GPC5: variants seen among roughly 807,000 people sequenced by gnomAD.
GPC5 encodes glypican-5.
GPC5 carries 47 observed loss-of-function variants against 53.9 expected under a neutral mutation model. The ratio of observed to expected loss-of-function variants is 0.87; its 90% CI spans 0.69 to 1.11. The LOEUF is 1.11. Among genes scored for constraint, GPC5 ranks in the 50% most tolerant of loss-of-function variants. The pLI is 0.00. For missense variants in GPC5, 748 were observed against 713.1 expected (o/e 1.05, Z -0.56); for synonymous variants, 286 against 263.3 (o/e 1.09, Z -0.84).
At chr13:92,110,614 T>G (rs1259840370) in intron 6 of GPC5, among the ~76,000 whole-genome samples, 1 of 152,196 alleles carries the variant, frequency 6.6e-6, no homozygotes, top group Non-Finnish European at 1.5e-5. Context: ...GTTTGTAATT[T>G]AAATGACAAG....
At chr13:92,061,921 A>G (rs1351402353) in intron 6 of GPC5, among the ~76,000 whole-genome samples, 1 of 152,042 alleles carries the variant, frequency 6.6e-6, no homozygotes, top group African/African-American at 2.4e-5. Flanking sequence ...ACTGTAGGCT[A>G]TAAGATCTTT....
chr13:92,606,894 A>C (rs1203057537), intron 7 of GPC5, among the ~76,000 whole-genome samples: 2 of 152,186 alleles, frequency 1.3e-5, no homozygotes, highest in African/African-American at 2.4e-5. Flanking sequence ...ATACTTTATA[A>C]GCAATTACTC....
rs139117967 is a variant in GPC5, at chr13:92,528,807, C to A, written c.1562-337475C>A. On this transcript the variant is annotated intron_variant, in intron 7 of 7. Coordinates refer to ENST00000377067, the MANE Select transcript of GPC5 (RefSeq NM_004466.6). ...CTTTAAATATGTCATTAAAATAATT[C>A]TTTCTTAATAGGGTACCCATATTTT... Among the ~76,000 whole-genome samples, 1,405 of 151,750 alleles carry A rather than the reference C, an allele frequency of 9.3e-3. 25 individuals are homozygous for A. Among genetic ancestry groups the A allele is most frequent in the African/African-American group, 0.032 (1,309 of 41,462 alleles).
intron 5 of GPC5, among the ~76,000 whole-genome samples, chr13:91,865,460 A>C (rs1250698253): frequency 3.9e-5 from 6 of 152,274 alleles, no homozygotes; most frequent in Admixed American, 2.6e-4. Context: ...TTTGATATAA[A>C]ATTCTGTAGC....
intron 5 of GPC5, among the ~76,000 whole-genome samples, chr13:91,848,623 G>A (rs1358100392): frequency 6.6e-6 from 1 of 152,176 alleles, no homozygotes; most frequent in African/African-American, 2.4e-5. Flanking sequence ...ATGTTCTAAA[G>A]TGATTCTGCT....
At chr13:91,508,609 C>T (rs766930863) in intron 2 of GPC5, among the ~76,000 whole-genome samples, 12 of 152,230 alleles carry the variant, frequency 7.9e-5, no homozygotes, top group South Asian at 2.1e-4. Flanking sequence ...CTCTGTGTCA[C>T]GCCCAGGAGA....
At chr13:91,744,401 T>C (rs1190032721) in intron 4 of GPC5, among the ~76,000 whole-genome samples, 1 of 152,190 alleles carries the variant, frequency 6.6e-6, no homozygotes, top group African/African-American at 2.4e-5. Flanking sequence ...TAGCTTATTT[T>C]ATCTGAGCAT....
chr13:92,078,424 C>T (rs574431612), intron 6 of GPC5, among the ~76,000 whole-genome samples: 1 of 152,288 alleles, frequency 6.6e-6, no homozygotes, highest in South Asian at 2.1e-4. Flanking sequence ...AAGTGATAGG[C>T]CTGACCTCCT....
At chr13:91,990,954 C>G (rs1017199894) in intron 6 of GPC5, among the ~76,000 whole-genome samples, 2 of 152,014 alleles carry the variant, frequency 1.3e-5, no homozygotes, top group African/African-American at 4.8e-5. Context: ...TTGTGTTTAC[C>G]GAAATTATGG....
intron 5 of GPC5, among the ~76,000 whole-genome samples, chr13:91,804,325 A>G (rs1006469318): frequency 2.0e-5 from 3 of 152,034 alleles, no homozygotes; most frequent in African/African-American, 7.2e-5. Flanking sequence ...AGAAATATGC[A>G]GTAGTATAGC....
intron 7 of GPC5, among the ~76,000 whole-genome samples, chr13:92,377,700 G>T (rs1024539155): frequency 1.3e-5 from 2 of 151,996 alleles, no homozygotes; most frequent in African/African-American, 2.4e-5. Context: ...CTTAATAATA[G>T]ATTATGTATT....
intron 5 of GPC5, among the ~76,000 whole-genome samples, chr13:91,775,434 C>T (rs919329482): frequency 8.5e-5 from 13 of 152,194 alleles, no homozygotes; most frequent in Admixed American, 3.3e-4. Context: ...CAAACTAATT[C>T]CCCACGTAGA....
At chr13:92,460,273 T>C (rs1878426651) in intron 7 of GPC5, among the ~76,000 whole-genome samples, 1 of 152,178 alleles carries the variant, frequency 6.6e-6, no homozygotes, top group Non-Finnish European at 1.5e-5. Flanking sequence ...AACTAATATG[T>C]GTTTTGTTAA....
chr13:92,700,157 A>G (rs1277407614), intron 7 of GPC5, among the ~76,000 whole-genome samples: 1 of 151,428 alleles, frequency 6.6e-6, no homozygotes, highest in East Asian at 1.9e-4. Flanking sequence ...TTCTTGTTGC[A>G]TTGATCTCTT....
chr13:92,548,066 C>A (rs1005986323), intron 7 of GPC5, among the ~76,000 whole-genome samples: 12 of 149,954 alleles, frequency 8.0e-5, no homozygotes, highest in Middle Eastern at 3.4e-3. Context: ...GTCTCGATCT[C>A]CTGACCTCGT....
intron 5 of GPC5, among the ~76,000 whole-genome samples, chr13:91,887,656 A>G (rs1285996618): frequency 6.6e-6 from 1 of 152,164 alleles, no homozygotes; most frequent in East Asian, 1.9e-4. Flanking sequence ...TCAAATTTCC[A>G]TAGATCTCTG....
rs572343148 is a variant in GPC5 at position 92,613,893 on chromosome 13, C to CA, written c.1562-252383dup. Among the ~76,000 whole-genome samples, 21 of 151,124 alleles carry CA rather than the reference C, an allele frequency of 1.4e-4. No individual in the cohort carries two copies. The East Asian group carries it at 4.1e-3, about 29-fold the overall frequency. On this transcript the variant is annotated intron_variant, in intron 7 of 7. Coordinates refer to ENST00000377067, the MANE Select transcript of GPC5 (RefSeq NM_004466.6). ...TTTTAAAATAAAAATGAAAACAAAA[C>CA]AAAAAACCAAAAAGTGAAAAAGTCA...
intron 6 of GPC5, among the ~76,000 whole-genome samples, chr13:91,976,456 G>A (rs1381479897): frequency 6.6e-6 from 1 of 152,194 alleles, no homozygotes; most frequent in Non-Finnish European, 1.5e-5. Context: ...GAGGAGATGG[G>A]AGATCAGCCT....
At chr13:91,878,020 C>A (rs564928377) in intron 5 of GPC5, among the ~76,000 whole-genome samples, 6 of 152,172 alleles carry the variant, frequency 3.9e-5, no homozygotes, top group Admixed American at 2.6e-4. Flanking sequence ...GTGAGAAGTG[C>A]CTTTTGCCTC....
Sources: allele counts gnomAD v4.1 joint callset (sites outside exome capture counted in the v4.1 genomes callset), GRCh38; gene constraint gnomAD v4.1.1; transcripts MANE v1.5; gene names NCBI Gene and HGNC (gene_info 2026-07-23, HGNC 2026-07-21).